SUPT3H: variants seen among roughly 807,000 people sequenced by gnomAD.
The protein encoded by SUPT3H is SPT3 homolog, SAGA and STAGA complex component.
A neutral mutation model predicts 44.3 loss-of-function variants in SUPT3H; 44 were observed. The ratio of observed to expected loss-of-function variants is 0.99; its 90% CI spans 0.78 to 1.28. The LOEUF (loss-of-function observed/expected upper bound fraction) is 1.28, where lower values mean the gene tolerates loss of function less well. Ranked by LOEUF, SUPT3H falls within the 50% of genes most tolerant of loss-of-function variation. The pLI, the probability that SUPT3H is intolerant of heterozygous loss-of-function variation, is 0.00. For missense variants in SUPT3H, 380 were observed against 387.1 expected (o/e 0.98, Z 0.15); for synonymous variants, 124 against 125.6 (o/e 0.99, Z 0.09).
intron 10 of SUPT3H, among the ~76,000 whole-genome samples, chr6:44,847,742 C>A (rs1237235231): frequency 6.6e-6 from 1 of 152,066 alleles, no homozygotes; most frequent in Non-Finnish European, 1.5e-5. Context: ...CCTGCCTTGG[C>A]CTCCCAAAGT....
chr6:45,191,945 T>C (rs1308370736), intron 2 of SUPT3H, among the ~76,000 whole-genome samples: 5 of 152,104 alleles, frequency 3.3e-5, no homozygotes, highest in Non-Finnish European at 5.9e-5. Context: ...AATCAAACTT[T>C]ATACCCAATA....
At chr6:45,274,944 CTTTGA>C (rs994585130) in intron 2 of SUPT3H, among the ~76,000 whole-genome samples, 3 of 151,972 alleles carry the variant, frequency 2.0e-5, no homozygotes, top group African/African-American at 4.8e-5. Flanking sequence ...TGAGTTGATG[CTTTGA>C]TTTTTTTCTT....
chr6:45,125,976 G>C (rs1324900604), intron 2 of SUPT3H, among the ~76,000 whole-genome samples: 2 of 151,762 alleles, frequency 1.3e-5, no homozygotes, highest in Non-Finnish European at 2.9e-5. Flanking sequence ...GATTCACATA[G>C]AATGTTGCCC....
At chr6:45,126,472 T>C (rs1802442751) in intron 2 of SUPT3H, among the ~76,000 whole-genome samples, 2 of 152,232 alleles carry the variant, frequency 1.3e-5, no homozygotes, top group Non-Finnish European at 2.9e-5. Context: ...CAGTGGATAT[T>C]TTTAAAACAA....
chr6:44,888,515 C>G (rs976837788), intron 10 of SUPT3H, among the ~76,000 whole-genome samples: 26 of 152,068 alleles, frequency 1.7e-4, no homozygotes, highest in Non-Finnish European at 3.1e-4. Context: ...AGACAAAAAC[C>G]ACATGATTAC....
chr6:44,831,598 A>C (rs1446582642), intron 10 of SUPT3H, among the ~76,000 whole-genome samples: 1 of 152,194 alleles, frequency 6.6e-6, no homozygotes, highest in Non-Finnish European at 1.5e-5. Flanking sequence ...AACCACAGTG[A>C]CAATCTTTAA....
intron 2 of SUPT3H, among the ~76,000 whole-genome samples, chr6:45,209,220 T>C (rs139511650): frequency 0.02 from 3,051 of 152,320 alleles, 109 homozygotes; most frequent in African/African-American, 0.068. Flanking sequence ...ACATCCATTC[T>C]GCAGCCCATG....
chr6:45,104,446 G>C (rs1799003486), intron 3 of SUPT3H, among the ~76,000 whole-genome samples: 1 of 151,976 alleles, frequency 6.6e-6, no homozygotes, highest in South Asian at 2.1e-4. Flanking sequence ...ATTCTAGCCT[G>C]CCTGTTTTCT....
chr6:44,906,740 C>T (rs759032392), intron 10 of SUPT3H, among the ~76,000 whole-genome samples: 11 of 152,178 alleles, frequency 7.2e-5, no homozygotes, highest in Non-Finnish European at 1.5e-4. Context: ...CCAACCTGGG[C>T]AACAGAGTGA....
chr6:45,309,162 G>GAAAAA (rs147009181), intron 2 of SUPT3H, among the ~76,000 whole-genome samples: 1 of 133,546 alleles, frequency 7.5e-6, no homozygotes. Flanking sequence ...AAATATTTAG[G>GAAAAA]AAAAAAAAAA....
At chr6:45,158,439 C>G (rs965664387) in intron 2 of SUPT3H, among the ~76,000 whole-genome samples, 1 of 150,590 alleles carries the variant, frequency 6.6e-6, no homozygotes, top group Non-Finnish European at 1.5e-5. Flanking sequence ...AGCATACCTA[C>G]GACTGGCAAT....
At chr6:45,171,713 CTTTTTTTTTTT>C (rs777154020) in intron 2 of SUPT3H, among the ~76,000 whole-genome samples, 25 of 93,484 alleles carry the variant, frequency 2.7e-4, no homozygotes, top group Middle Eastern at 0.012. Context: ...ATTCCACTTG[CTTTTTTTTTTT>C]TTTTTTTTTT....
At chr6:44,951,258 T>C (rs959156306) in intron 9 of SUPT3H, among the ~76,000 whole-genome samples, 1 of 151,652 alleles carries the variant, frequency 6.6e-6, no homozygotes. Flanking sequence ...TTTTTAAACT[T>C]CTGTATTTTC....
intron 4 of SUPT3H, among the ~76,000 whole-genome samples, chr6:45,016,270 A>C (rs1245989080): frequency 6.6e-6 from 1 of 152,044 alleles, no homozygotes; most frequent in Non-Finnish European, 1.5e-5. Flanking sequence ...CTGTATTTGC[A>C]GTACATTTTT....
intron 2 of SUPT3H, among the ~76,000 whole-genome samples, chr6:45,148,181 A>G (rs149781985): frequency 2.4e-4 from 36 of 152,300 alleles, no homozygotes; most frequent in African/African-American, 8.7e-4. Flanking sequence ...GATGATTTCT[A>G]AATAGGAGTT....
Position 45,143,115 on chromosome 6 carries a change from G to A in SUPT3H, c.102-37109C>T, listed in dbSNP as rs191520094. 6.0e-3 allele frequency among the ~76,000 whole-genome samples: 917 copies of A among 152,104 alleles called. 14 individuals carry two copies. The highest frequency in any genetic ancestry group is 0.021 in the African/African-American group (875 of 41,492). On this transcript the variant is annotated intron_variant, in intron 2 of 10. Coordinates refer to ENST00000371459, the MANE Select transcript of SUPT3H (RefSeq NM_003599.4). ...AGACAGCAACACAATAATAGTGGGG[G>A]ACTTCAATACTCCACTGACAGCACT...
chr6:44,958,190 C>T lies in SUPT3H; in HGVS notation c.580+3563G>A, dbSNP rs186627796. ...TTGTAATACTACCTGGATTTTCAGC[C>T]TGCGCTGAACTTAAAAAGCAATTTT... On this transcript the variant is annotated intron_variant, in intron 7 of 10. Transcript: ENST00000371459. Among the ~76,000 whole-genome samples, 9 of 152,322 alleles carry T rather than the reference C, an allele frequency of 5.9e-5. No individual in the cohort carries two copies. In the East Asian group the frequency reaches 1.7e-3, roughly 29 times the overall value.
At chr6:45,337,829 C>T (rs978091385) in intron 2 of SUPT3H, among the ~76,000 whole-genome samples, 1 of 151,556 alleles carries the variant, frequency 6.6e-6, no homozygotes, top group South Asian at 2.1e-4. Flanking sequence ...ATTCTTTTTG[C>T]GAAAACTCAC....
intron 3 of SUPT3H, among the ~76,000 whole-genome samples, chr6:45,062,873 G>A (rs932330420): frequency 4.5e-4 from 68 of 152,134 alleles, no homozygotes; most frequent in Non-Finnish European, 7.9e-4. Flanking sequence ...AGGCGGCAGC[G>A]AGGCTGGGGG....
Sources: gnomAD v4.1 joint callset for allele counts (sites outside exome capture counted in the v4.1 genomes callset) on GRCh38, gnomAD v4.1.1 for gene constraint, MANE v1.5 for transcripts, NCBI Gene and HGNC (gene_info 2026-07-23, HGNC 2026-07-21) for gene names.